The following HHIP variants were observed in gnomAD, a reference collection of about 807,000 sequenced individuals.
HHIP encodes hedgehog interacting protein.
Under a neutral mutation model 74.0 loss-of-function variants are expected in HHIP, and 12 were observed. That is an observed-to-expected ratio of 0.16 (90% CI 0.10 to 0.26). The LOEUF is 0.26. Among genes scored for constraint, HHIP ranks in the 10% least tolerant of loss-of-function variants. The probability of loss-of-function intolerance (pLI) is 1.00; values close to 1 mark genes in which losing one functional copy is unlikely to be tolerated. For missense variants in HHIP, 788 were observed against 845.0 expected (o/e 0.93, Z 0.84); for synonymous variants, 309 against 311.6 (o/e 0.99, Z 0.09).
Position 144,646,640 on chromosome 4 carries a change from C to A in HHIP, c.-36C>A. 6.3e-7 allele frequency: 1 copy of A among 1,595,172 alleles called. No homozygotes were observed. Among genetic ancestry groups the A allele is most frequent in the South Asian group, 1.1e-5 (1 of 88,072 alleles). ...GCTGGGCAGTGGCGTTCCCCCCCAT[C>A]CTCCCGCGCCCAGCCCCTGCTGCTC... On this transcript the variant is annotated 5_prime_UTR_variant, in exon 1 of 13. Transcript: ENST00000296575.
At chr4:144,717,488 T>C (rs554714687) in intron 10 of HHIP, among the ~76,000 whole-genome samples, 2 of 152,274 alleles carry the variant, frequency 1.3e-5, no homozygotes, top group African/African-American at 4.8e-5. Context: ...AAGAGAAATA[T>C]AGACTAAAGG....
intron 7 of HHIP, among the ~76,000 whole-genome samples, chr4:144,711,475 G>A (rs1238250204): frequency 6.6e-6 from 1 of 152,026 alleles, no homozygotes; most frequent in African/African-American, 2.4e-5. Context: ...TTGTCCTAAG[G>A]CTCTTCGTCC....
Position 144,738,170 on chromosome 4 carries a change from G to T in HHIP, c.*213G>T. ...ACACATACTCATAACCCCTATATGC[G>T]TTGTTGCATAACAGATGATTTTTTA... On this transcript the variant is annotated 3_prime_UTR_variant, in exon 13 of 13. Coordinates refer to ENST00000296575, the MANE Select transcript of HHIP (RefSeq NM_022475.3). 1.7e-6 allele frequency: 2 copies of T among 1,166,728 alleles called. No individual in the cohort carries two copies. The highest frequency in any genetic ancestry group is 2.1e-6 in the Non-Finnish European group (2 of 946,328). The allele number at this position is 1,166,728 out of a possible 1,614,324, so 72.3% of individuals were successfully genotyped here. A position where few individuals can be genotyped will look rare whatever the true frequency, so the allele number is the denominator to read the frequency against.
chr4:144,714,233 C>G lies in HHIP; in HGVS notation c.1432C>G (p.Pro478Ala), dbSNP rs769206037. Residue 478 changes from proline (P) to alanine (A), a missense_variant, in exon 9 of 13, where the codon CCA becomes GCA. Pro to Ala is a conservative substitution (Grantham distance 27). Around this residue, in one of 3 missense-constraint regions of HHIP, gnomAD observed 343 missense variants for 347.9 expected, o/e 0.99. Coordinates refer to ENST00000296575, the MANE Select transcript of HHIP (RefSeq NM_022475.3). ...IIKGKDYESEPSLLEFKPFSN... is the reference protein window; with the variant it reads ...IIKGKDYESEASLLEFKPFSN... ...GCTATGTTTCTTTCCAGAAAGTGAG[C>G]CATCACTTTTAGAATTCAAGCCATT... is the stretch of plus-strand genomic sequence containing the variant. 14 of 1,611,714 alleles carry G rather than the reference C, an allele frequency of 8.7e-6. No individual in the cohort carries two copies. The South Asian group carries it at 1.5e-4, about 18-fold the overall frequency.
chr4:144,688,150 T>C, intron 4 of HHIP, among the ~76,000 whole-genome samples: 1 of 152,180 alleles, frequency 6.6e-6, no homozygotes, highest in Non-Finnish European at 1.5e-5. Context: ...TCAACTCTGC[T>C]GTCTTCTGTG....
chr4:144,652,646 G>A lies in HHIP; in HGVS notation c.321G>A (p.Leu107=), dbSNP rs201929841. The change falls in exon 2 of 13, where the codon CTG becomes CTA. Residue 107 remains leucine, a synonymous_variant. Transcript: ENST00000296575. ...ACAACACAGAATGTGGGAAGTTACT[G>A]GAGGAAATCAAATGTGCACTTTGCT... ...VTNNTECGKL[L]EEIKCALCSP... 24 of 1,610,782 alleles carry A rather than the reference G, an allele frequency of 1.5e-5. No homozygotes were observed. The highest frequency in any genetic ancestry group is 2.0e-5 in the Non-Finnish European group (24 of 1,178,202).
chr4:144,712,700 G>A (rs1157740712), intron 8 of HHIP, among the ~76,000 whole-genome samples: 1 of 151,938 alleles, frequency 6.6e-6, no homozygotes, highest in Non-Finnish European at 1.5e-5. Flanking sequence ...TAATATTTTA[G>A]TATTTATTCC....
At chr4:144,674,737 G>A (rs918886192) in intron 4 of HHIP, among the ~76,000 whole-genome samples, 27 of 152,284 alleles carry the variant, frequency 1.8e-4, no homozygotes, top group Admixed American at 1.6e-3. Context: ...TCTGACAGAC[G>A]TTTGTTCTCA....
chr4:144,730,358 T>G (rs1247857307), intron 11 of HHIP, among the ~76,000 whole-genome samples: 2 of 152,168 alleles, frequency 1.3e-5, no homozygotes, highest in East Asian at 3.8e-4. Context: ...GGAAATATGT[T>G]TTTCTGATTT....
At chr4:144,725,571 A>G (rs966782959) in intron 11 of HHIP, among the ~76,000 whole-genome samples, 13 of 152,098 alleles carry the variant, frequency 8.5e-5, no homozygotes, top group Non-Finnish European at 1.8e-4. Context: ...TTTTTTGATG[A>G]TTTCTAAAAC....
Position 144,706,565 on chromosome 4 carries a change from T to A in HHIP, c.866T>A (p.Phe289Tyr), listed in dbSNP as rs778736256. 4 of 1,612,740 alleles carry A rather than the reference T, an allele frequency of 2.5e-6. No individual in the cohort carries two copies. The Admixed American group carries it at 6.7e-5, about 27-fold the overall frequency. The change falls in exon 5 of 13, where the codon TTC (phenylalanine) becomes TAC (tyrosine). Residue 289 changes from phenylalanine (F) to tyrosine (Y), a missense_variant. Around this residue, in one of 3 missense-constraint regions of HHIP, gnomAD observed 373 missense variants for 366.4 expected, o/e 1.02. Coordinates refer to ENST00000296575, the MANE Select transcript of HHIP (RefSeq NM_022475.3). Reference sequence around the variant, plus strand: ...GAAAGAGGACTGCTAAGCCTCGCATTCCATCCCAATTACAAGAAAAATGGA... The same window carrying A: ...GAAAGAGGACTGCTAAGCCTCGCATACCATCCCAATTACAAGAAAAATGGA... ...GDERGLLSLA[F>Y]HPNYKKNGKL...
In HHIP at chr4:144,734,835, C is replaced by G. The variant is rs34017247; in HGVS notation, c.1855C>G (p.Pro619Ala). The stretch of plus-strand genomic sequence containing the variant: ...GCTCTGTCGAAACGGCTACTGCACC[C>G]CCACGGGAAAGTGCTGCTGCAGTCC... ...SRLCRNGYCT[P>A]TGKCCCSPGW... The change falls in exon 12 of 13, where the codon CCC becomes GCC. Residue 619 changes from proline (P) to alanine (A), a missense_variant. Physicochemically the swap from Pro to Ala is conservative, Grantham distance 27 (BLOSUM62 -1). This residue lies in a region of HHIP where 343 missense variants were observed against 347.9 expected (regional missense o/e 0.99). Coordinates refer to ENST00000296575, the MANE Select transcript of HHIP (RefSeq NM_022475.3). 1.9e-6 allele frequency: 3 copies of G among 1,612,854 alleles called. No homozygotes were observed. Among genetic ancestry groups the G allele is most frequent in the East Asian group, 4.5e-5 (2 of 44,858 alleles).
chr4:144,647,218 C>T, intron 1 of HHIP: 1 of 414,834 alleles, frequency 2.4e-6, no homozygotes, highest in Non-Finnish European at 4.3e-6. Flanking sequence ...GTACCCGCAC[C>T]CTGGGCTGGG....
rs749306881 is a variant in HHIP at position 144,659,715 on chromosome 4, G to A, written c.708G>A (p.Gly236=). The A allele has an allele frequency of 3.1e-6, 5 of 1,609,398 alleles. No individual in the cohort carries two copies. The African/African-American group carries it at 6.7e-5, about 22-fold the overall frequency. Residue 236 remains glycine, a synonymous_variant, in exon 4 of 13, where the codon GGG becomes GGA. Transcript: ENST00000296575. The part of the protein sequence containing the change: ...LRQPVGALHS[G]DGSQRLFILE... Reference sequence around the variant, plus strand: ...AGCCCGTTGGTGCCCTGCATAGTGGGGATGGCTCGCAACGTCTCTTCATTC... The same window carrying A: ...AGCCCGTTGGTGCCCTGCATAGTGGAGATGGCTCGCAACGTCTCTTCATTC...
At chr4:144,731,862 T>C (rs546455239) in intron 11 of HHIP, among the ~76,000 whole-genome samples, 5 of 152,338 alleles carry the variant, frequency 3.3e-5, no homozygotes, top group Admixed American at 2.6e-4. Flanking sequence ...TGCCTCCTCA[T>C]CTGTATTTCT....
chr4:144,739,042 T>A lies in HHIP; in HGVS notation c.*1085T>A, dbSNP rs1400430173. 6.6e-6 allele frequency: 1 copy of A among 152,240 alleles called. No individual in the cohort carries two copies. The highest frequency in any genetic ancestry group is 1.5e-5 in the Non-Finnish European group (1 of 68,042). 9.4% of individuals were successfully genotyped at this position (152,240 alleles called of 1,614,324 possible). On this transcript the variant is annotated 3_prime_UTR_variant, in exon 13 of 13. Coordinates refer to ENST00000296575, the MANE Select transcript of HHIP (RefSeq NM_022475.3). The stretch of plus-strand genomic sequence containing the variant: ...CACTGGAGAAGAGCTCACTTGTTTT[T>A]AAAAATCTTGGCTATGTAAGCTGTC...
intron 4 of HHIP, among the ~76,000 whole-genome samples, chr4:144,702,468 T>C (rs1730011989): frequency 6.6e-6 from 1 of 152,216 alleles, no homozygotes; most frequent in Non-Finnish European, 1.5e-5. Context: ...AGGGTTTTAT[T>C]ATTTCCTCTG....
chr4:144,680,434 A>C (rs1729302519), intron 4 of HHIP, among the ~76,000 whole-genome samples: 1 of 152,194 alleles, frequency 6.6e-6, no homozygotes, highest in Non-Finnish European at 1.5e-5. Flanking sequence ...CCCATGGTGC[A>C]ACCTAGCTAG....
chr4:144,669,839 ACTTTCT>A (rs1376605675), intron 4 of HHIP, among the ~76,000 whole-genome samples: 1 of 152,070 alleles, frequency 6.6e-6, no homozygotes, highest in Non-Finnish European at 1.5e-5. Context: ...GAATAATGTG[ACTTTCT>A]CTTTAAGAGT....
Sources: gnomAD v4.1 joint callset for allele counts (sites outside exome capture counted in the v4.1 genomes callset) on GRCh38, gnomAD v4.1.1 for gene constraint, gnomAD v4.1.1 regional missense constraint, MANE v1.5 for transcripts, NCBI Gene and HGNC (gene_info 2026-07-23, HGNC 2026-07-21) for gene names.